The following RANBP2 variants were observed in gnomAD, a reference collection of about 807,000 sequenced individuals.
The protein encoded by RANBP2 is RAN binding protein 2, also known as E3 SUMO-protein ligase RanBP2.
In RANBP2, 57 loss-of-function variants were observed where a neutral mutation model predicts 303.6. The observed-to-expected ratio is 0.19, with a 90% CI of 0.15 to 0.23. The LOEUF (loss-of-function observed/expected upper bound fraction) is 0.23, where lower values mean the gene tolerates loss of function less well. Among genes scored for constraint, RANBP2 ranks in the 10% least tolerant of loss-of-function variants. The pLI, the probability that RANBP2 is intolerant of heterozygous loss-of-function variation, is 1.00. For missense variants in RANBP2, 3,138 were observed against 3,780.8 expected (o/e 0.83, Z 4.46); for synonymous variants, 1,167 against 1,301.5 (o/e 0.90, Z 2.23).
the RANBP2 span, among the ~76,000 whole-genome samples, chr2:109,622,839 A>G: frequency 1.3e-5 from 2 of 152,216 alleles, no homozygotes; most frequent in African/African-American, 4.8e-5. Context: ...TTGATAGTTC[A>G]TTTTGAGGCC....
the RANBP2 span, among the ~76,000 whole-genome samples, chr2:108,861,701 G>A: frequency 2.6e-5 from 4 of 152,040 alleles, no homozygotes; most frequent in Non-Finnish European, 5.9e-5. Flanking sequence ...GACTGGTCTC[G>A]AACTCCTGAC....
At chr2:109,254,071 T>C in the RANBP2 span, among the ~76,000 whole-genome samples, 3 of 152,056 alleles carry the variant, frequency 2.0e-5, no homozygotes, top group East Asian at 5.9e-4. Flanking sequence ...GGGGTGCTTT[T>C]TCTGACCCAC....
At chr2:109,279,075 G>A in the RANBP2 span, among the ~76,000 whole-genome samples, 3 of 152,148 alleles carry the variant, frequency 2.0e-5, no homozygotes, top group Non-Finnish European at 4.4e-5. Flanking sequence ...GAGGATCTTG[G>A]GAACTGCTGT....
the RANBP2 span, among the ~76,000 whole-genome samples, chr2:109,145,239 C>T: frequency 1.3e-5 from 2 of 152,154 alleles, no homozygotes; most frequent in Non-Finnish European, 1.5e-5. Context: ...CCACGGTCTC[C>T]CCAGTCCATC....
chr2:109,698,002 G>A, the RANBP2 span, among the ~76,000 whole-genome samples: 1 of 151,794 alleles, frequency 6.6e-6, no homozygotes, highest in Non-Finnish European at 1.5e-5. Context: ...TGGGATTACA[G>A]GCATGTGCCA....
the RANBP2 span, among the ~76,000 whole-genome samples, chr2:109,363,891 CTTTATCT>C: frequency 1.3e-5 from 2 of 151,926 alleles, no homozygotes; most frequent in African/African-American, 4.8e-5. Context: ...AGGATTTTTT[CTTTATCT>C]TTTATTTTAT....
chr2:109,020,770 C>G, the RANBP2 span, among the ~76,000 whole-genome samples: 1 of 152,202 alleles, frequency 6.6e-6, no homozygotes, highest in Non-Finnish European at 1.5e-5. Flanking sequence ...TTTTACCAGT[C>G]AAGGTATTAG....
At chr2:109,594,686 T>G in the RANBP2 span, 1 of 152,374 alleles carries the variant, frequency 6.6e-6, no homozygotes, top group South Asian at 2.1e-4. Context: ...TCCCACCACC[T>G]CACCGTGATC....
chr2:109,158,652 C>T, the RANBP2 span, among the ~76,000 whole-genome samples: 3 of 152,194 alleles, frequency 2.0e-5, no homozygotes, highest in African/African-American at 7.2e-5. Flanking sequence ...GTCGTGAGAG[C>T]ATCCCTATTT....
chr2:109,101,253 G>A, the RANBP2 span, among the ~76,000 whole-genome samples: 159 of 152,180 alleles, frequency 1.0e-3, no homozygotes, highest in Middle Eastern at 3.4e-3. Context: ...TGGGCCGGGC[G>A]TGGTAGCTCA....
the RANBP2 span, among the ~76,000 whole-genome samples, chr2:108,900,890 A>G: frequency 6.6e-6 from 1 of 152,196 alleles, no homozygotes; most frequent in South Asian, 2.1e-4. Flanking sequence ...GAGCTCCAAA[A>G]TATGTGAAAC....
At chr2:109,131,898 G>A in the RANBP2 span, among the ~76,000 whole-genome samples, 1 of 152,128 alleles carries the variant, frequency 6.6e-6, no homozygotes, top group African/African-American at 2.4e-5. Context: ...CAGGAGTCCC[G>A]CATGGTGTAT....
chr2:108,821,471 G>A, the RANBP2 span, among the ~76,000 whole-genome samples: 12 of 152,150 alleles, frequency 7.9e-5, no homozygotes, highest in African/African-American at 2.9e-4. Flanking sequence ...ATAACTTTAA[G>A]ATGTTTTATG....
Position 108,764,822 on chromosome 2 carries a change from A to G in RANBP2, c.4283A>G (p.Asn1428Ser). The change falls in exon 20 of 29, where the codon AAT (asparagine) becomes AGT (serine). Residue 1428 changes from asparagine (N) to serine (S), a missense_variant. Transcript: ENST00000283195. ...HWDCSICLVR[N>S]EPTVSRCIAC... ...GATTGTAGTATTTGTTTAGTAAGAA[A>G]TGAACCTACTGTATCTAGGTGCATT... 1 of 1,614,110 alleles carries G rather than the reference A, an allele frequency of 6.2e-7. No individual in the cohort carries two copies. Among genetic ancestry groups the G allele is most frequent in the Non-Finnish European group, 8.5e-7 (1 of 1,179,990 alleles).
chr2:109,641,887 C>A, the RANBP2 span, among the ~76,000 whole-genome samples: 2 of 152,152 alleles, frequency 1.3e-5, no homozygotes, highest in Non-Finnish European at 2.9e-5. Flanking sequence ...TTCACTGCAA[C>A]CTATGCCTGC....
chr2:109,103,070 T>C, the RANBP2 span, among the ~76,000 whole-genome samples: 3 of 152,198 alleles, frequency 2.0e-5, no homozygotes, highest in Non-Finnish European at 4.4e-5. Flanking sequence ...GAGCACCACG[T>C]GTGTGCAGCA....
At chr2:108,887,070 T>C in the RANBP2 span, among the ~76,000 whole-genome samples, 2 of 152,182 alleles carry the variant, frequency 1.3e-5, no homozygotes, top group Non-Finnish European at 2.9e-5. Context: ...TGATGAGAGA[T>C]AGGGGTCCAT....
chr2:108,829,239 C>T, the RANBP2 span, among the ~76,000 whole-genome samples: 8 of 152,216 alleles, frequency 5.3e-5, no homozygotes, highest in East Asian at 1.9e-4. Flanking sequence ...ATCTGACAAG[C>T]GATTGCTACC....
the RANBP2 span, among the ~76,000 whole-genome samples, chr2:108,809,447 G>GTT: frequency 3.7e-3 from 387 of 104,854 alleles, 3 homozygotes; most frequent in African/African-American, 0.012. Flanking sequence ...AACATGAAAT[G>GTT]TTGTGTGTGT....
Sources: gnomAD v4.1 joint callset for allele counts (sites outside exome capture counted in the v4.1 genomes callset) on GRCh38, gnomAD v4.1.1 for gene constraint, MANE v1.5 for transcripts, NCBI Gene and HGNC (gene_info 2026-07-23, HGNC 2026-07-21) for gene names.